The following RIMS2 variants were observed in gnomAD, a reference collection of about 807,000 sequenced individuals.
The protein encoded by RIMS2 is regulating synaptic membrane exocytosis 2, also known as regulating synaptic membrane exocytosis protein 2.
RIMS2 carries 59 observed loss-of-function variants against 174.4 expected under a neutral mutation model. That is an observed-to-expected ratio of 0.34 (90% CI 0.27 to 0.42). RIMS2 has a LOEUF of 0.42. Ranked by LOEUF, RIMS2 falls within the 10% of genes least tolerant of loss-of-function variation. The probability of loss-of-function intolerance (pLI) is 1.00; values close to 1 mark genes in which losing one functional copy is unlikely to be tolerated. For missense variants in RIMS2, 1,620 were observed against 1,666.3 expected (o/e 0.97, Z 0.48); for synonymous variants, 606 against 572.5 (o/e 1.06, Z -0.84).
intron 19 of RIMS2, among the ~76,000 whole-genome samples, chr8:104,113,685 T>C (rs1242849922): frequency 6.6e-6 from 1 of 151,732 alleles, no homozygotes; most frequent in African/African-American, 2.4e-5. Context: ...CATACATATA[T>C]ATATCATATA....
At chr8:104,133,308 C>T (rs1387042072) in intron 19 of RIMS2, among the ~76,000 whole-genome samples, 1 of 152,148 alleles carries the variant, frequency 6.6e-6, no homozygotes, top group Non-Finnish European at 1.5e-5. Context: ...AAGAGAAAGG[C>T]AGAGACCAGA....
chr8:103,734,162 G>A lies in RIMS2; in HGVS notation c.388-32065G>A, dbSNP rs181729586. ...CAAGTAGCTGGGGCTACAGGTGCACGCCACCACACCCAGCTAATTTTTGTA... is the reference window on the plus strand; with the variant it reads ...CAAGTAGCTGGGGCTACAGGTGCACACCACCACACCCAGCTAATTTTTGTA... On this transcript the variant is annotated intron_variant, in intron 2 of 23. Coordinates refer to ENST00000504942, the Ensembl canonical transcript of RIMS2. Among the ~76,000 whole-genome samples, 625 of 151,146 alleles carry A rather than the reference G, an allele frequency of 4.1e-3. 6 individuals are homozygous for A. Among genetic ancestry groups the A allele is most frequent in the Admixed American group, 6.7e-3 (102 of 15,152 alleles).
At chr8:104,084,386 C>T (rs919725406) in intron 19 of RIMS2, among the ~76,000 whole-genome samples, 2 of 140,502 alleles carry the variant, frequency 1.4e-5, no homozygotes, top group African/African-American at 2.7e-5. Flanking sequence ...TGCAGTGAGT[C>T]GAGATCGCGC....
chr8:103,908,382 A>C (rs1383652288), intron 4 of RIMS2, among the ~76,000 whole-genome samples: 1 of 152,150 alleles, frequency 6.6e-6, no homozygotes, highest in Non-Finnish European at 1.5e-5. Context: ...ATTCCTTCTT[A>C]TATGTCCACT....
At chr8:104,202,665 C>G (rs2099060895) in intron 19 of RIMS2, among the ~76,000 whole-genome samples, 1 of 152,202 alleles carries the variant, frequency 6.6e-6, no homozygotes, top group Non-Finnish European at 1.5e-5. Flanking sequence ...CTGTTCCAGT[C>G]CATCTCTGCT....
chr8:103,628,358 T>G (rs1016843006), intron 1 of RIMS2, among the ~76,000 whole-genome samples: 2 of 150,678 alleles, frequency 1.3e-5, no homozygotes, highest in African/African-American at 2.4e-5. Context: ...ATCCCTGTTT[T>G]TTTTTTTTTT....
intron 4 of RIMS2, among the ~76,000 whole-genome samples, chr8:103,898,551 A>G (rs1374127948): frequency 6.6e-6 from 1 of 151,498 alleles, no homozygotes; most frequent in African/African-American, 2.4e-5. Flanking sequence ...TTTAGGATGT[A>G]TCAATGCACC....
At chr8:104,152,038 C>A (rs1201848155) in intron 19 of RIMS2, among the ~76,000 whole-genome samples, 1 of 152,050 alleles carries the variant, frequency 6.6e-6, no homozygotes, top group African/African-American at 2.4e-5. Context: ...CACAACTGTC[C>A]CATATATCTT....
chr8:104,011,606 G>GTGAAAT (rs1475273920), intron 17 of RIMS2, among the ~76,000 whole-genome samples: 2 of 151,996 alleles, frequency 1.3e-5, no homozygotes, highest in Non-Finnish European at 2.9e-5. Context: ...TCACAAAGAA[G>GTGAAAT]TGAAATTGCA....
chr8:104,108,498 C>T (rs1044341236), intron 19 of RIMS2, among the ~76,000 whole-genome samples: 1 of 151,850 alleles, frequency 6.6e-6, no homozygotes, highest in Non-Finnish European at 1.5e-5. Flanking sequence ...TGGGATTTTG[C>T]TGCGTGCCCA....
At chr8:104,142,466 C>T (rs554390542) in intron 19 of RIMS2, among the ~76,000 whole-genome samples, 61 of 152,002 alleles carry the variant, frequency 4.0e-4, no homozygotes, top group Admixed American at 7.9e-4. Context: ...GTCCAAATCC[C>T]GGGAATGTGA....
chr8:104,069,683 T>C (rs927827331), intron 19 of RIMS2, among the ~76,000 whole-genome samples: 4 of 152,036 alleles, frequency 2.6e-5, no homozygotes, highest in Admixed American at 6.6e-5. Flanking sequence ...TTGGCCAGGC[T>C]GGTCTCAAAC....
chr8:103,627,087 T>C (rs540963588), intron 1 of RIMS2, among the ~76,000 whole-genome samples: 5 of 152,254 alleles, frequency 3.3e-5, no homozygotes, highest in Admixed American at 6.5e-5. Context: ...TCAGTCCTTA[T>C]CTCAACTGCA....
intron 3 of RIMS2, among the ~76,000 whole-genome samples, chr8:103,790,704 T>C (rs2098489063): frequency 6.6e-6 from 1 of 152,220 alleles, no homozygotes. Flanking sequence ...TCAATGGCTA[T>C]TTATATATCT....
chr8:103,512,158 C>A (rs1586526082), intron 1 of RIMS2, among the ~76,000 whole-genome samples: 1 of 151,682 alleles, frequency 6.6e-6, no homozygotes, highest in South Asian at 2.1e-4. Context: ...TACTGGCAAC[C>A]ATGCACTGTA....
chr8:103,849,107 G>C (rs904753979), intron 3 of RIMS2, among the ~76,000 whole-genome samples: 12 of 152,034 alleles, frequency 7.9e-5, no homozygotes, highest in Admixed American at 3.3e-4. Flanking sequence ...TGCATCCCTT[G>C]CTACCTATAA....
At chr8:103,546,186 A>T (rs1242032203) in intron 1 of RIMS2, among the ~76,000 whole-genome samples, 1 of 152,236 alleles carries the variant, frequency 6.6e-6, no homozygotes, top group Non-Finnish European at 1.5e-5. Flanking sequence ...GGATGGAGAA[A>T]AATCTACCAA....
At chr8:103,587,117 A>G (rs1482146441) in intron 1 of RIMS2, among the ~76,000 whole-genome samples, 1 of 152,046 alleles carries the variant, frequency 6.6e-6, no homozygotes, top group Non-Finnish European at 1.5e-5. Flanking sequence ...AGAAATGGAC[A>G]AATTTCTAGA....
At chr8:103,967,200 T>TTTTA (rs2092124340) in intron 15 of RIMS2, among the ~76,000 whole-genome samples, 1 of 111,222 alleles carries the variant, frequency 9.0e-6, no homozygotes. Flanking sequence ...TTTTTTTTTT[T>TTTTA]GAGATAGAGT....
Sources: allele counts gnomAD v4.1 joint callset (sites outside exome capture counted in the v4.1 genomes callset), GRCh38; gene constraint gnomAD v4.1.1; transcripts MANE v1.5; gene names NCBI Gene and HGNC (gene_info 2026-07-23, HGNC 2026-07-21).